HEMK2: variants seen among roughly 807,000 people sequenced by gnomAD.
The protein encoded by HEMK2 is HemK methyltransferase 2, ETF1 glutamine and histone H4 lysine, also known as methyltransferase HEMK2.
At chr21:28,841,437 T>TATAA in the HEMK2 span, among the ~76,000 whole-genome samples, 1 of 77,750 alleles carries the variant, frequency 1.3e-5, no homozygotes, top group Non-Finnish European at 2.3e-5. Context: ...AATATATATA[T>TATAA]TATATATAAA....
At chr21:28,736,937 C>T in the HEMK2 span, among the ~76,000 whole-genome samples, 34,755 of 151,940 alleles carry the variant, frequency 0.23, 4,618 homozygotes, top group African/African-American at 0.35. Flanking sequence ...TTTATTCTTC[C>T]AAGACTGAAT....
At chr21:28,588,792 G>A in the HEMK2 span, among the ~76,000 whole-genome samples, 1 of 152,058 alleles carries the variant, frequency 6.6e-6, no homozygotes, top group East Asian at 1.9e-4. Context: ...GACCATCCTG[G>A]CTAACACGCT....
chr21:28,741,875 G>A, the HEMK2 span, among the ~76,000 whole-genome samples: 2 of 152,142 alleles, frequency 1.3e-5, no homozygotes, highest in African/African-American at 4.8e-5. Flanking sequence ...GTGTGCCTGT[G>A]TCTGTATAAT....
chr21:28,825,119 G>A, the HEMK2 span, among the ~76,000 whole-genome samples: 2 of 152,186 alleles, frequency 1.3e-5, no homozygotes, highest in African/African-American at 4.8e-5. Context: ...GATCCATGAA[G>A]GTGGGCAGAC....
chr21:28,644,707 T>C, the HEMK2 span, among the ~76,000 whole-genome samples: 2 of 152,220 alleles, frequency 1.3e-5, no homozygotes, highest in African/African-American at 4.8e-5. Flanking sequence ...GAAATTTAAA[T>C]CCTGAAAATA....
the HEMK2 span, among the ~76,000 whole-genome samples, chr21:28,741,518 T>C: frequency 0.23 from 34,814 of 151,744 alleles, 4,632 homozygotes; most frequent in African/African-American, 0.35. Context: ...CTAGTACCCA[T>C]TGGTTATTTT....
At chr21:28,594,220 T>C in the HEMK2 span, among the ~76,000 whole-genome samples, 1 of 152,144 alleles carries the variant, frequency 6.6e-6, no homozygotes, top group South Asian at 2.1e-4. Context: ...GAAACTATCC[T>C]AGCCAAGAGA....
At chr21:28,713,554 T>G in the HEMK2 span, among the ~76,000 whole-genome samples, 1 of 152,172 alleles carries the variant, frequency 6.6e-6, no homozygotes, top group South Asian at 2.1e-4. Context: ...CTTGCTAGGA[T>G]GCTCTTTCCC....
chr21:28,682,398 A>C, the HEMK2 span, among the ~76,000 whole-genome samples: 3 of 150,564 alleles, frequency 2.0e-5, no homozygotes, highest in Non-Finnish European at 4.5e-5. Context: ...AAAGTCAGGA[A>C]ACAACAGGTG....
chr21:28,740,078 T>C, the HEMK2 span, among the ~76,000 whole-genome samples: 1 of 152,196 alleles, frequency 6.6e-6, no homozygotes, highest in Admixed American at 6.5e-5. Context: ...TTGATATGCG[T>C]TTTACACACC....
At chr21:28,860,060 C>T in the HEMK2 span, among the ~76,000 whole-genome samples, 92 of 151,916 alleles carry the variant, frequency 6.1e-4, no homozygotes, top group East Asian at 0.017. Flanking sequence ...GGTGGACTTG[C>T]GATGGTTAAT....
chr21:28,867,761 C>T, the HEMK2 span, among the ~76,000 whole-genome samples: 17 of 152,276 alleles, frequency 1.1e-4, no homozygotes, highest in South Asian at 3.5e-3. Context: ...TCACGTCCAG[C>T]CTCAATTTTC....
chr21:28,879,805 T>C, the HEMK2 span: 2 of 1,235,142 alleles, frequency 1.6e-6, no homozygotes, highest in African/African-American at 3.1e-5. Flanking sequence ...TAGGATGACA[T>C]TCATTTGATT....
chr21:28,724,189 T>C, the HEMK2 span, among the ~76,000 whole-genome samples: 9 of 152,318 alleles, frequency 5.9e-5, no homozygotes, highest in Admixed American at 5.9e-4. Context: ...TTAATTTTGG[T>C]TTTCTTCATT....
the HEMK2 span, chr21:28,743,283 C>T: frequency 1.3e-5 from 2 of 151,908 alleles, no homozygotes; most frequent in African/African-American, 4.8e-5. Flanking sequence ...AAAAGTGTTC[C>T]GTGTTTTAAA....
the HEMK2 span, among the ~76,000 whole-genome samples, chr21:28,815,068 A>C: frequency 4.6e-5 from 7 of 152,152 alleles, no homozygotes; most frequent in Non-Finnish European, 8.8e-5. Context: ...TGATGAGTTC[A>C]TGTCCTTTGT....
the HEMK2 span, among the ~76,000 whole-genome samples, chr21:28,727,071 G>T: frequency 7.9e-5 from 12 of 152,076 alleles, no homozygotes; most frequent in Non-Finnish European, 1.6e-4. Context: ...TCAAAGGATG[G>T]AAGTAGGAAC....
At chr21:28,859,718 G>A in the HEMK2 span, among the ~76,000 whole-genome samples, 6 of 152,110 alleles carry the variant, frequency 3.9e-5, no homozygotes, top group African/African-American at 9.7e-5. Context: ...GACTCCCATG[G>A]ATGCTGGAAG....
At chr21:28,831,614 GGAAAGAAGGAAAGAAGGAAGGAAA>G in the HEMK2 span, among the ~76,000 whole-genome samples, 1 of 71,634 alleles carries the variant, frequency 1.4e-5, no homozygotes, top group African/African-American at 8.1e-5. Flanking sequence ...AAGGAAAGAA[GGAAAGAAGGAAAGAAGGAAGGAAA>G]GAAAGAAAGA....
Sources: allele counts gnomAD v4.1 joint callset (sites outside exome capture counted in the v4.1 genomes callset), GRCh38; gene constraint gnomAD v4.1.1; transcripts MANE v1.5; gene names NCBI Gene and HGNC (gene_info 2026-07-23, HGNC 2026-07-21).